Variants in ARHGEF3 observed in about 807,000 individuals in gnomAD.
The protein encoded by ARHGEF3 is Rho guanine nucleotide exchange factor 3, also known as 59.8 kDA protein.
ARHGEF3 carries 28 observed loss-of-function variants against 63.2 expected under a neutral mutation model. That is an observed-to-expected ratio of 0.44 (90% CI 0.33 to 0.61). ARHGEF3 has a LOEUF of 0.61. Ranked by LOEUF, ARHGEF3 falls within the 20% of genes least tolerant of loss-of-function variation. The pLI is 0.03. For synonymous variants in ARHGEF3, 266 were observed against 254.2 expected (o/e 1.05, Z -0.44); for missense variants, 533 against 659.3 (o/e 0.81, Z 2.10).
intron 4 of ARHGEF3, among the ~76,000 whole-genome samples, chr3:56,832,085 C>A (rs2038951302): frequency 7.4e-6 from 1 of 135,348 alleles, no homozygotes; most frequent in Non-Finnish European, 1.7e-5. Context: ...GGTCCAGGAT[C>A]CAGTGGGATC....
intron 8 of ARHGEF3, among the ~76,000 whole-genome samples, chr3:56,734,762 G>A (rs901157010): frequency 7.2e-5 from 11 of 152,026 alleles, no homozygotes; most frequent in African/African-American, 2.4e-4. Flanking sequence ...CCAAATCTTG[G>A]CTAGAGGGAA....
chr3:56,992,679 A>G (rs1205977272), intron 2 of ARHGEF3, among the ~76,000 whole-genome samples: 1 of 152,120 alleles, frequency 6.6e-6, no homozygotes, highest in Non-Finnish European at 1.5e-5. Context: ...ACAGAGGACA[A>G]TTACCCTCTG....
intron 1 of ARHGEF3, among the ~76,000 whole-genome samples, chr3:57,045,635 T>C (rs1480099048): frequency 6.6e-6 from 1 of 152,138 alleles, no homozygotes; most frequent in East Asian, 1.9e-4. Context: ...AACTCTTATC[T>C]CCTCACAGAA....
intron 7 of ARHGEF3, among the ~76,000 whole-genome samples, chr3:56,742,543 T>C (rs2034107958): frequency 1.3e-5 from 2 of 152,210 alleles, no homozygotes; most frequent in South Asian, 2.1e-4. Flanking sequence ...CATGGGATAT[T>C]TGTCAAGCTA....
At chr3:56,889,566 C>T (rs374742492) in intron 3 of ARHGEF3, among the ~76,000 whole-genome samples, 44 of 152,250 alleles carry the variant, frequency 2.9e-4, no homozygotes, top group Middle Eastern at 3.4e-3. Context: ...CAGAGAGGAA[C>T]GCTGAAGCTC....
intron 3 of ARHGEF3, among the ~76,000 whole-genome samples, chr3:56,956,504 A>G (rs923054435): frequency 6.6e-6 from 1 of 152,240 alleles, no homozygotes; most frequent in African/African-American, 2.4e-5. Context: ...TTGAGTAACA[A>G]GTTCTATAAA....
At chr3:56,732,939 G>T (rs1215801922) in intron 8 of ARHGEF3, among the ~76,000 whole-genome samples, 1 of 151,972 alleles carries the variant, frequency 6.6e-6, no homozygotes, top group African/African-American at 2.4e-5. Context: ...CTTGAGGTTA[G>T]GAGTTCAAGA....
At chr3:56,773,355 T>C (rs528615184) in intron 2 of ARHGEF3, among the ~76,000 whole-genome samples, 1 of 152,158 alleles carries the variant, frequency 6.6e-6, no homozygotes, top group Non-Finnish European at 1.5e-5. Context: ...CCGACCCTGG[T>C]TGAAGCTACT....
chr3:56,763,786 G>C (rs1234140816), intron 2 of ARHGEF3, among the ~76,000 whole-genome samples: 3 of 151,626 alleles, frequency 2.0e-5, no homozygotes, highest in Non-Finnish European at 4.4e-5. Flanking sequence ...TATTGCCCAG[G>C]CTAGTCTTGA....
chr3:57,042,381 G>T (rs1704222662), intron 1 of ARHGEF3, among the ~76,000 whole-genome samples: 2 of 151,912 alleles, frequency 1.3e-5, no homozygotes, highest in Non-Finnish European at 2.9e-5. Flanking sequence ...AAAGTATAAT[G>T]ATGTTTCTAG....
At chr3:57,000,229 TTC>T (rs1373974704) in intron 2 of ARHGEF3, among the ~76,000 whole-genome samples, 1 of 152,000 alleles carries the variant, frequency 6.6e-6, no homozygotes, top group South Asian at 2.1e-4. Context: ...CAGAAATGAC[TTC>T]TCAGTGCATC....
intron 4 of ARHGEF3, among the ~76,000 whole-genome samples, chr3:56,854,698 C>T (rs746440278): frequency 2.0e-5 from 3 of 148,000 alleles, no homozygotes; most frequent in Non-Finnish European, 3.0e-5. Flanking sequence ...AGGAAAGAGG[C>T]CATGATGCCA....
At position 56,801,822 on chromosome 3, in the gene ARHGEF3, G is replaced by C. The variant is rs1184294777; in HGVS notation, c.-24C>G. 7 of 1,553,878 alleles carry C rather than the reference G, an allele frequency of 4.5e-6. No individual in the cohort carries two copies. Among genetic ancestry groups the C allele is most frequent in the Non-Finnish European group, 6.1e-6 (7 of 1,147,890 alleles). ...ATGGCGGCTGCCGGGCCTGCCCTTTGGGATGTCACCGCTGACCCTAGGCGA... is the reference window on the plus strand; with the variant it reads ...ATGGCGGCTGCCGGGCCTGCCCTTTCGGATGTCACCGCTGACCCTAGGCGA... On this transcript the variant is annotated 5_prime_UTR_variant, in exon 1 of 10. Transcript: ENST00000296315.
intron 1 of ARHGEF3, among the ~76,000 whole-genome samples, chr3:56,779,902 G>A (rs2036485956): frequency 6.6e-6 from 1 of 152,228 alleles, no homozygotes; most frequent in African/African-American, 2.4e-5. Context: ...ACAGCAGTGA[G>A]AATTCTGTGG....
intron 3 of ARHGEF3, among the ~76,000 whole-genome samples, chr3:56,918,756 T>C (rs1013006782): frequency 2.0e-5 from 3 of 152,222 alleles, no homozygotes; most frequent in Non-Finnish European, 4.4e-5. Flanking sequence ...TATAATGGGA[T>C]ATCAAAAGGA....
chr3:56,844,266 G>C (rs2039411511), intron 4 of ARHGEF3, among the ~76,000 whole-genome samples: 1 of 152,208 alleles, frequency 6.6e-6, no homozygotes. Flanking sequence ...TATAGGTAGG[G>C]AAATTGAGAC....
At chr3:56,992,024 CTGTGTGTGTGTG>C (rs58860849) in intron 2 of ARHGEF3, among the ~76,000 whole-genome samples, 27 of 131,718 alleles carry the variant, frequency 2.0e-4, no homozygotes, top group African/African-American at 4.6e-4. Flanking sequence ...CCTCCTCTCT[CTGTGTGTGTGTG>C]TGTGTGTGTG....
At chr3:56,913,892 C>A (rs1181453538) in intron 3 of ARHGEF3, among the ~76,000 whole-genome samples, 1 of 152,112 alleles carries the variant, frequency 6.6e-6, no homozygotes, top group Non-Finnish European at 1.5e-5. Context: ...ACCCATCAAT[C>A]GAGGAGTGGA....
chr3:57,014,179 A>T (rs1444053785), intron 2 of ARHGEF3, among the ~76,000 whole-genome samples: 1 of 152,194 alleles, frequency 6.6e-6, no homozygotes, highest in Non-Finnish European at 1.5e-5. Context: ...AGCCAGCAAG[A>T]CCACGAACCC....
Sources: allele counts gnomAD v4.1 joint callset (sites outside exome capture counted in the v4.1 genomes callset), GRCh38; gene constraint gnomAD v4.1.1; transcripts MANE v1.5; gene names NCBI Gene and HGNC (gene_info 2026-07-23, HGNC 2026-07-21).